The following TDRD12 variants were observed in gnomAD, a reference collection of about 807,000 sequenced individuals.
TDRD12 encodes putative ATP-dependent RNA helicase TDRD12.
TDRD12 carries 158 observed loss-of-function variants against 133.5 expected under a neutral mutation model. The observed-to-expected ratio is 1.18, with a 90% CI of 1.04 to 1.35. The LOEUF is 1.35. TDRD12 is among the 40% of genes most tolerant of loss of function. TDRD12 has a pLI of 0.00. For missense variants in TDRD12, 1,443 were observed against 1,321.3 expected (o/e 1.09, Z -1.43); for synonymous variants, 460 against 477.9 (o/e 0.96, Z 0.49).
chr19:32,821,369 AGTGTGTGTGTGTGTGTGTGTGTGT>A (rs59054756), downstream of TDRD12: 1 of 344,142 alleles, frequency 2.9e-6, no homozygotes, highest in Non-Finnish European at 5.4e-6. Flanking sequence ...AGCTCAGCAG[AGTGTGTGTGTGTGTGTGTGTGTGT>A]GTGTGTGTGT....
Position 32,802,993 on chromosome 19 carries a change from T to A in TDRD12, c.2403T>A (p.His801Gln), listed in dbSNP as rs1443953457. 3.9e-6 allele frequency: 6 copies of A among 1,536,026 alleles called. No homozygotes were observed. The African/African-American group carries it at 6.8e-5, about 18-fold the overall frequency. ...TGCTGACGGAGAAAGATGCGAGCCA[T>A]GCGGTGGGCGTCCTGCGCTACTTGG... is the stretch of plus-strand genomic sequence containing the variant. Residue 801 changes from histidine (H) to glutamine (Q), a missense_variant, in exon 21 of 28, where the codon CAT becomes CAA. His to Gln is a conservative substitution (Grantham distance 24). Coordinates refer to ENST00000444215, the Ensembl canonical transcript of TDRD12.
chr19:32,730,394 T>G (rs1383773104), intron 1 of TDRD12, among the ~76,000 whole-genome samples: 1 of 152,278 alleles, frequency 6.6e-6, no homozygotes, highest in East Asian at 1.9e-4. Flanking sequence ...CAGGGAAGTT[T>G]CCTTCTTTCA....
chr19:32,768,506 A>G (rs143377723), intron 8 of TDRD12, among the ~76,000 whole-genome samples: 1,883 of 151,688 alleles, frequency 0.012, 15 homozygotes, highest in Non-Finnish European at 0.02. Context: ...TGCAGGGACT[A>G]GGCTCACACC....
chr19:32,807,757 C>A, intron 22 of TDRD12, 109 bp downstream of exon 22: 1 of 744,106 alleles, frequency 1.3e-6, no homozygotes, highest in Non-Finnish European at 2.1e-6. Flanking sequence ...TTCCAGTGAT[C>A]AGTATTAACA....
At chr19:32,732,937 CCAA>C in intron 2 of TDRD12, among the ~76,000 whole-genome samples, 1 of 152,192 alleles carries the variant, frequency 6.6e-6, no homozygotes, top group Non-Finnish European at 1.5e-5. Flanking sequence ...CTTTGGGAGG[CCAA>C]GGAAAGAAGA....
At chr19:32,797,960 G>A (rs1971279249) in intron 15 of TDRD12, 69 bp downstream of exon 15, 1 of 612,416 alleles carries the variant, frequency 1.6e-6, no homozygotes, top group Non-Finnish European at 2.9e-6. Context: ...ACAGAAGACA[G>A]TGGAGCCTGG....
intron 8 of TDRD12, among the ~76,000 whole-genome samples, chr19:32,770,920 T>C (rs1364033011): frequency 2.6e-5 from 4 of 152,222 alleles, no homozygotes; most frequent in Admixed American, 2.6e-4. Flanking sequence ...TCCCCAAATA[T>C]ATACTTCGTA....
chr19:32,756,866 T>C (rs1490802633), intron 7 of TDRD12, among the ~76,000 whole-genome samples, 172 bp from the exon 8 acceptor site: 1 of 152,212 alleles, frequency 6.6e-6, no homozygotes, highest in Non-Finnish European at 1.5e-5. Flanking sequence ...GGAAATAATT[T>C]CCAATGTTTC....
intron 10 of TDRD12, among the ~76,000 whole-genome samples, 173 bp downstream of exon 10, chr19:32,773,705 A>G (rs1970501477): frequency 6.6e-6 from 1 of 152,116 alleles, no homozygotes; most frequent in South Asian, 2.1e-4. Context: ...TCTCTAAAAT[A>G]ATAATAATAA....
intron 6 of TDRD12, among the ~76,000 whole-genome samples, chr19:32,750,431 T>G (rs548621438): frequency 6.6e-6 from 1 of 152,198 alleles, no homozygotes; most frequent in African/African-American, 2.4e-5. Flanking sequence ...AACCATGGAT[T>G]TTTTAAAAAT....
chr19:32,783,585 C>T (rs1020904335), intron 11 of TDRD12, among the ~76,000 whole-genome samples: 6 of 150,002 alleles, frequency 4.0e-5, no homozygotes, highest in Non-Finnish European at 8.8e-5. Context: ...ATCGATTCTT[C>T]TGATCCATGA....
intron 1 of TDRD12, among the ~76,000 whole-genome samples, chr19:32,728,693 TGG>T (rs1968937445): frequency 6.7e-6 from 1 of 148,794 alleles, no homozygotes; most frequent in Non-Finnish European, 1.5e-5. Context: ...TTGCCCAAGC[TGG>T]AGTGCAGTGG....
chr19:32,777,090 A>G, intron 10 of TDRD12, 59 bp from the exon 11 acceptor site: 1 of 1,085,970 alleles, frequency 9.2e-7, no homozygotes, highest in Non-Finnish European at 1.3e-6. Context: ...ATGGGGACTC[A>G]CTGTGTTGCC....
intron 2 of TDRD12, among the ~76,000 whole-genome samples, chr19:32,733,862 T>A (rs948170081): frequency 4.0e-5 from 6 of 151,770 alleles, no homozygotes; most frequent in Non-Finnish European, 8.8e-5. Flanking sequence ...GTTCCTTTTT[T>A]AAATTTTTTT....
intron 2 of TDRD12, among the ~76,000 whole-genome samples, chr19:32,732,352 G>T (rs1220103376): frequency 6.6e-6 from 1 of 152,154 alleles, no homozygotes; most frequent in African/African-American, 2.4e-5. Context: ...GTCATGGAAG[G>T]GGGTGGCCGC....
chr19:32,765,165 A>G (rs1012971901), intron 8 of TDRD12, among the ~76,000 whole-genome samples: 6 of 152,248 alleles, frequency 3.9e-5, no homozygotes, highest in Non-Finnish European at 5.9e-5. Flanking sequence ...CCATCAGAGA[A>G]ATGCAAATCA....
At chr19:32,819,115 G>A (rs1469143213) in intron 27 of TDRD12, among the ~76,000 whole-genome samples, 7 of 151,990 alleles carry the variant, frequency 4.6e-5, no homozygotes, top group African/African-American at 7.3e-5. Context: ...TCAGGAGTTC[G>A]AGACCAGCCT....
intron 8 of TDRD12, among the ~76,000 whole-genome samples, chr19:32,769,242 C>A (rs747695904): frequency 6.6e-6 from 1 of 152,070 alleles, no homozygotes; most frequent in Non-Finnish European, 1.5e-5. Flanking sequence ...CTACTTTTGG[C>A]TTTTACATTT....
downstream of TDRD12, chr19:32,826,002 G>T (rs569660532): frequency 8.5e-6 from 7 of 826,454 alleles, no homozygotes; most frequent in East Asian, 1.9e-4. Flanking sequence ...TCATCTAGAC[G>T]TTGCATAAGG....
Sources: allele counts gnomAD v4.1 joint callset (sites outside exome capture counted in the v4.1 genomes callset), GRCh38; gene constraint gnomAD v4.1.1; transcripts MANE v1.5; gene names NCBI Gene and HGNC (gene_info 2026-07-23, HGNC 2026-07-21).